The following BICD1 variants were observed in gnomAD, a reference collection of about 807,000 sequenced individuals.
BICD1 encodes the protein BICD cargo adaptor 1.
In BICD1, 35 loss-of-function variants were observed where a neutral mutation model predicts 92.5. That is an observed-to-expected ratio of 0.38 (90% CI 0.29 to 0.50). The LOEUF (loss-of-function observed/expected upper bound fraction) is 0.50, where lower values mean the gene tolerates loss of function less well. Ranked by LOEUF, BICD1 falls within the 20% of genes least tolerant of loss-of-function variation. The pLI is 0.93. For missense variants in BICD1, 950 were observed against 1,189.8 expected (o/e 0.80, Z 2.97); for synonymous variants, 429 against 465.1 (o/e 0.92, Z 1.00).
intron 8 of BICD1, among the ~76,000 whole-genome samples, chr12:32,343,676 C>G (rs940558045): frequency 1.3e-5 from 2 of 152,168 alleles, no homozygotes; most frequent in African/African-American, 4.8e-5. Context: ...TTCCATCCCT[C>G]CCTCCTGTCT....
At chr12:32,230,431 T>C (rs1455038689) in intron 2 of BICD1, among the ~76,000 whole-genome samples, 1 of 78,542 alleles carries the variant, frequency 1.3e-5, no homozygotes, top group South Asian at 8.3e-4. Context: ...AATAAATAAA[T>C]AAATAAATAA....
Position 32,380,089 on chromosome 12 carries a change from G to C in BICD1, c.*2462G>C, listed in dbSNP as rs904514388. 2.0e-5 allele frequency: 3 copies of C among 152,132 alleles called. No individual in the cohort carries two copies. Among genetic ancestry groups the C allele is most frequent in the African/African-American group, 7.2e-5 (3 of 41,418 alleles). The allele number at this position is 152,132 out of a possible 1,614,324, so 9.4% of individuals were successfully genotyped here. A position where few individuals can be genotyped will look rare whatever the true frequency, so the allele number is the denominator to read the frequency against. On this transcript the variant is annotated 3_prime_UTR_variant, in exon 10 of 10. Transcript: ENST00000652176. ...ATTCTATGAAAATAATAATTTTAGT[G>C]AATCTTTGCCAAGAAGTTATAGAAA...
intron 8 of BICD1, among the ~76,000 whole-genome samples, chr12:32,363,216 C>T (rs1215344913): frequency 2.0e-5 from 3 of 152,148 alleles, no homozygotes; most frequent in African/African-American, 4.8e-5. Flanking sequence ...CCTATAGATG[C>T]TTTGAGCTAT....
rs1944176814 is a variant in BICD1, at chr12:32,178,290, A to AG, written c.214-37956dup. Among the ~76,000 whole-genome samples the AG allele has an allele frequency of 2.0e-5, 3 of 152,112 alleles. No homozygotes were observed. In the South Asian group the frequency reaches 6.2e-4, roughly 32 times the overall value. ...GTTGAACACAGTCCATAGGAAAGTA[A>AG]GATCTCAGCATTAAAGAGATGCAGG... On this transcript the variant is annotated intron_variant, in intron 1 of 9. Transcript: ENST00000652176.
At chr12:32,360,874 A>T (rs550968501) in intron 8 of BICD1, among the ~76,000 whole-genome samples, 3 of 152,164 alleles carry the variant, frequency 2.0e-5, no homozygotes, top group African/African-American at 4.8e-5. Context: ...ATGACGGAAT[A>T]GGATCCAAAA....
At chr12:32,122,295 T>C (rs112327176) in intron 1 of BICD1, among the ~76,000 whole-genome samples, 15,628 of 151,984 alleles carry the variant, frequency 0.1, 1,069 homozygotes, top group Middle Eastern at 0.2. Context: ...GAGACCATCC[T>C]GACTAACATG....
intron 3 of BICD1, among the ~76,000 whole-genome samples, chr12:32,297,913 C>T (rs765842063): frequency 3.9e-5 from 6 of 152,036 alleles, no homozygotes; most frequent in East Asian, 1.9e-4. Context: ...TGGCCAGGCA[C>T]GGTGGCTCAT....
intron 2 of BICD1, among the ~76,000 whole-genome samples, chr12:32,217,789 A>G (rs944251557): frequency 3.3e-5 from 5 of 152,170 alleles, no homozygotes; most frequent in African/African-American, 1.2e-4. Context: ...ACAATCCAGC[A>G]TCCATTGCAG....
At chr12:32,339,367 C>T (rs1487278257) in intron 8 of BICD1, 1 of 992,310 alleles carries the variant, frequency 1.0e-6, no homozygotes, top group Admixed American at 6.1e-5. Context: ...AAAGGGAGAG[C>T]CATATGTATA....
intron 1 of BICD1, among the ~76,000 whole-genome samples, chr12:32,192,269 A>G (rs1181233593): frequency 6.6e-6 from 1 of 151,862 alleles, no homozygotes; most frequent in African/African-American, 2.4e-5. Context: ...ATCTCTACTA[A>G]AAATACAAAA....
intron 1 of BICD1, among the ~76,000 whole-genome samples, chr12:32,165,064 C>A (rs1283867591): frequency 6.6e-6 from 1 of 151,934 alleles, no homozygotes; most frequent in African/African-American, 2.4e-5. Flanking sequence ...ATAAATCGGG[C>A]AAAATATTCC....
In BICD1 at chr12:32,154,553, T is replaced by C. The variant is rs376301958; in HGVS notation, c.213+47009T>C. 2.6e-5 allele frequency among the ~76,000 whole-genome samples: 4 copies of C among 152,336 alleles called. No homozygotes were observed. In the South Asian group the frequency reaches 6.2e-4, roughly 24 times the overall value. On this transcript the variant is annotated intron_variant, in intron 1 of 9. Coordinates refer to ENST00000652176, the MANE Select transcript of BICD1 (RefSeq NM_001714.4). Reference sequence around the variant, plus strand: ...GCCAGTGTCTCCTTATCTGTCACATTCGTACTCATTTTTATGACTTTGCAG... The same window carrying C: ...GCCAGTGTCTCCTTATCTGTCACATCCGTACTCATTTTTATGACTTTGCAG...
intron 1 of BICD1, among the ~76,000 whole-genome samples, chr12:32,124,022 C>T (rs1049006360): frequency 2.6e-5 from 4 of 152,212 alleles, no homozygotes; most frequent in Non-Finnish European, 5.9e-5. Context: ...GTACCTGAAT[C>T]TTTACCTAAG....
chr12:32,329,262 G>C (rs1054629300), intron 5 of BICD1, among the ~76,000 whole-genome samples: 1 of 152,112 alleles, frequency 6.6e-6, no homozygotes, highest in East Asian at 1.9e-4. Context: ...GTGCCACCAT[G>C]CCTGGCTAAC....
rs1190513082 is a variant in BICD1 at position 32,106,890 on chromosome 12, A to AGCGAGAGG, written c.-435_-434insGGCGAGAG. 1 of 175,766 alleles carries AGCGAGAGG rather than the reference A, an allele frequency of 5.7e-6. No individual in the cohort carries two copies. The highest frequency in any genetic ancestry group is 2.4e-5 in the African/African-American group (1 of 41,310). The allele number at this position is 175,766 out of a possible 1,614,324, so 10.9% of individuals were successfully genotyped here. A position where few individuals can be genotyped will look rare whatever the true frequency, so the allele number is the denominator to read the frequency against. On this transcript the variant is annotated 5_prime_UTR_variant, in exon 1 of 10. Coordinates refer to ENST00000652176, the MANE Select transcript of BICD1 (RefSeq NM_001714.4). ...CTGCAGGGCCAGAGGGAGCAGGTGG[A>AGCGAGAGG]GCGAGAGAGCGAGCCGCGAGCCGGA...
At chr12:32,366,549 G>A (rs1939531244) in intron 8 of BICD1, among the ~76,000 whole-genome samples, 1 of 152,198 alleles carries the variant, frequency 6.6e-6, no homozygotes, top group Non-Finnish European at 1.5e-5. Flanking sequence ...GGGAGGCTGA[G>A]GCAGGAGAAT....
intron 1 of BICD1, among the ~76,000 whole-genome samples, chr12:32,197,890 G>T (rs568273594): frequency 1.1e-4 from 15 of 141,956 alleles, no homozygotes; most frequent in East Asian, 8.4e-4. Flanking sequence ...AAAGCTTTGA[G>T]TATCAAGCAT....
chr12:32,373,247 C>T (rs962263039), intron 9 of BICD1, among the ~76,000 whole-genome samples: 6 of 152,116 alleles, frequency 3.9e-5, no homozygotes, highest in Non-Finnish European at 5.9e-5. Flanking sequence ...ACAACTGAAA[C>T]TGAATTCATT....
chr12:32,168,063 A>G (rs1943825745), intron 1 of BICD1, among the ~76,000 whole-genome samples: 2 of 151,908 alleles, frequency 1.3e-5, no homozygotes, highest in Admixed American at 1.3e-4. Context: ...ATCCCTAAAC[A>G]AAGCCTGGCT....
Sources: gnomAD v4.1 joint callset for allele counts (sites outside exome capture counted in the v4.1 genomes callset) on GRCh38, gnomAD v4.1.1 for gene constraint, MANE v1.5 for transcripts, NCBI Gene and HGNC (gene_info 2026-07-23, HGNC 2026-07-21) for gene names.